The following CAMTA1 variants were observed in gnomAD, a reference collection of about 807,000 sequenced individuals.
The protein encoded by CAMTA1 is calmodulin-binding transcription activator 1.
CAMTA1 carries 27 observed loss-of-function variants against 170.9 expected under a neutral mutation model. The ratio of observed to expected loss-of-function variants is 0.16; its 90% CI spans 0.12 to 0.22. The LOEUF (loss-of-function observed/expected upper bound fraction) is 0.22, where lower values mean the gene tolerates loss of function less well. Ranked by LOEUF, CAMTA1 falls within the 10% of genes least tolerant of loss-of-function variation. The probability of loss-of-function intolerance (pLI) is 1.00; values close to 1 mark genes in which losing one functional copy is unlikely to be tolerated. For synonymous variants in CAMTA1, 833 were observed against 891.5 expected, an observed-to-expected ratio of 0.93 and a Z score of 1.17; for missense variants, 1,619 against 2,217.2, an observed-to-expected ratio of 0.73 and a Z score of 5.42.
At chr1:7,438,384 G>T (rs541190353) in intron 5 of CAMTA1, among the ~76,000 whole-genome samples, 6 of 152,308 alleles carry the variant, frequency 3.9e-5, no homozygotes, top group African/African-American at 1.4e-4. Context: ...AAAGTGATGA[G>T]TGAGCCAGGG....
intron 6 of CAMTA1, among the ~76,000 whole-genome samples, chr1:7,619,092 T>G (rs1430196392): frequency 2.0e-5 from 3 of 152,118 alleles, no homozygotes; most frequent in Admixed American, 2.0e-4. Flanking sequence ...TCACCCAATG[T>G]GAGAGAGGGA....
At chr1:7,240,769 G>C (rs1334323761) in intron 4 of CAMTA1, among the ~76,000 whole-genome samples, 1 of 152,028 alleles carries the variant, frequency 6.6e-6, no homozygotes, top group Non-Finnish European at 1.5e-5. Flanking sequence ...GCCTCCCAAA[G>C]TGCTGAGATT....
At chr1:7,177,109 C>A (rs1651009415) in intron 4 of CAMTA1, among the ~76,000 whole-genome samples, 1 of 151,840 alleles carries the variant, frequency 6.6e-6, no homozygotes, top group African/African-American at 2.4e-5. Flanking sequence ...CACACTGAGG[C>A]CCCTCCCACC....
At chr1:7,503,358 G>C (rs947643390) in intron 6 of CAMTA1, among the ~76,000 whole-genome samples, 8 of 152,298 alleles carry the variant, frequency 5.3e-5, no homozygotes, top group Admixed American at 2.6e-4. Flanking sequence ...GCTTACGAAG[G>C]GGCTTTCGGG....
At chr1:7,160,782 C>A (rs949398218) in intron 4 of CAMTA1, among the ~76,000 whole-genome samples, 1 of 152,222 alleles carries the variant, frequency 6.6e-6, no homozygotes, top group African/African-American at 2.4e-5. Context: ...CTGACCACTT[C>A]CCCTTGGATT....
intron 3 of CAMTA1, among the ~76,000 whole-genome samples, chr1:6,868,913 G>C (rs1188481350): frequency 6.6e-6 from 1 of 152,194 alleles, no homozygotes; most frequent in Non-Finnish European, 1.5e-5. Flanking sequence ...CCTATGCAAG[G>C]TTTTGGGGGT....
At chr1:7,009,618 C>T (rs539359149) in intron 3 of CAMTA1, among the ~76,000 whole-genome samples, 26 of 152,354 alleles carry the variant, frequency 1.7e-4, no homozygotes, top group Admixed American at 2.6e-4. Context: ...TGCGGCATCA[C>T]GGACACCTGC....
intron 11 of CAMTA1, among the ~76,000 whole-genome samples, chr1:7,725,607 T>A (rs1302802998): frequency 6.6e-6 from 1 of 152,138 alleles, no homozygotes; most frequent in Non-Finnish European, 1.5e-5. Flanking sequence ...AACAGGCACT[T>A]GGGTGGAGGA....
intron 9 of CAMTA1, among the ~76,000 whole-genome samples, chr1:7,668,411 A>ACC (rs2096020927): frequency 6.8e-6 from 1 of 147,186 alleles, no homozygotes. Flanking sequence ...ACACACACAC[A>ACC]CACACACACA....
Position 7,463,410 on chromosome 1 carries a change from G to C in CAMTA1, c.439-4420G>C, listed in dbSNP as rs12073788. 0.013 allele frequency among the ~76,000 whole-genome samples: 2,036 copies of C among 151,982 alleles called. 35 individuals are homozygous for C. The highest frequency in any genetic ancestry group is 0.046 in the African/African-American group (1,915 of 41,418). ...ACAGAGACAGATACAGAAACGGAGA[G>C]AGAAATAAAGACAGACGGGGAGAGA... On this transcript the variant is annotated intron_variant, in intron 5 of 22. Transcript: ENST00000303635. This position sits in a 1 kb window ranked among gnomAD's most constrained non-coding sequence, Gnocchi z 4.7.
At chr1:7,228,447 G>A (rs12144179) in intron 4 of CAMTA1, among the ~76,000 whole-genome samples, 6,073 of 152,296 alleles carry the variant, frequency 0.04, 167 homozygotes, top group Non-Finnish European at 0.062. Flanking sequence ...CTCTCACTTC[G>A]TGCTCAGCAG....
At chr1:6,973,226 C>T (rs549612809) in intron 3 of CAMTA1, among the ~76,000 whole-genome samples, 2 of 152,182 alleles carry the variant, frequency 1.3e-5, no homozygotes, top group Non-Finnish European at 2.9e-5. Flanking sequence ...ATCTCCAGGA[C>T]GAACTCATCT....
chr1:7,520,594 A>G (rs1485503302), intron 6 of CAMTA1, among the ~76,000 whole-genome samples: 1 of 151,566 alleles, frequency 6.6e-6, no homozygotes, highest in South Asian at 2.1e-4. Flanking sequence ...TCATCTGCCC[A>G]CCTTGCTAGG....
At chr1:7,270,578 G>A (rs983587246) in intron 5 of CAMTA1, among the ~76,000 whole-genome samples, 8 of 152,158 alleles carry the variant, frequency 5.3e-5, no homozygotes, top group African/African-American at 7.2e-5. Flanking sequence ...TTATAGGCAT[G>A]AGCCACTGTG....
At chr1:6,786,028 C>T (rs2147947522) in intron 1 of CAMTA1, among the ~76,000 whole-genome samples, 1 of 151,792 alleles carries the variant, frequency 6.6e-6, no homozygotes, top group African/African-American at 2.4e-5. Flanking sequence ...CCCCGCGCCC[C>T]ACTGCTCCGG....
intron 6 of CAMTA1, among the ~76,000 whole-genome samples, chr1:7,472,152 G>A (rs770772368): frequency 5.3e-5 from 8 of 152,188 alleles, no homozygotes; most frequent in Admixed American, 3.3e-4. Context: ...CCTGGCCCAC[G>A]CTGGCAGCAC....
At chr1:7,502,020 C>T (rs538468048) in intron 6 of CAMTA1, among the ~76,000 whole-genome samples, 6 of 152,354 alleles carry the variant, frequency 3.9e-5, no homozygotes, top group African/African-American at 1.2e-4. Flanking sequence ...TCTGCCTTGG[C>T]TGCAATCTCA....
At chr1:7,450,672 T>C (rs747685753) in intron 5 of CAMTA1, among the ~76,000 whole-genome samples, 4 of 152,224 alleles carry the variant, frequency 2.6e-5, no homozygotes, top group Non-Finnish European at 5.9e-5. Context: ...CACTGCTGGA[T>C]AGTTGCAGGT....
chr1:7,526,937 G>T (rs2094438421), intron 6 of CAMTA1, among the ~76,000 whole-genome samples: 1 of 152,198 alleles, frequency 6.6e-6, no homozygotes, highest in African/African-American at 2.4e-5. Flanking sequence ...TTGCCCAGCT[G>T]CTGGGGCCTG....
Sources: allele counts gnomAD v4.1 joint callset (sites outside exome capture counted in the v4.1 genomes callset), GRCh38; gene constraint gnomAD v4.1.1; non-coding constraint Gnocchi (gnomAD v3.1); transcripts MANE v1.5; gene names NCBI Gene and HGNC (gene_info 2026-07-23, HGNC 2026-07-21).